DOCK8: variants seen among roughly 807,000 people sequenced by gnomAD.
The protein encoded by DOCK8 is dedicator of cytokinesis 8.
A neutral mutation model predicts 245.6 loss-of-function variants in DOCK8; 141 were observed. That is an observed-to-expected ratio of 0.57 (90% CI 0.50 to 0.66). The LOEUF (loss-of-function observed/expected upper bound fraction) is 0.66, where lower values mean the gene tolerates loss of function less well. Ranked by LOEUF, DOCK8 falls within the 30% of genes least tolerant of loss-of-function variation. The probability of loss-of-function intolerance (pLI) is 0.00; values close to 1 mark genes in which losing one functional copy is unlikely to be tolerated. For missense variants in DOCK8, 2,965 were observed against 2,603.4 expected, an observed-to-expected ratio of 1.14 and a Z score of -3.02; for synonymous variants, 1,168 against 970.2, an observed-to-expected ratio of 1.20 and a Z score of -3.79.
chr9:421,897 G>A (rs2056294307), intron 32 of DOCK8, 151 bp from the exon 33 acceptor site: 1 of 714,356 alleles, frequency 1.4e-6, no homozygotes, highest in Non-Finnish European at 2.5e-6. Context: ...CATAGGTGTG[G>A]CGACTTTGTC....
chr9:229,341 C>T (rs1261590480), intron 1 of DOCK8, among the ~76,000 whole-genome samples: 5 of 152,112 alleles, frequency 3.3e-5, no homozygotes, highest in Non-Finnish European at 7.4e-5. Context: ...TTAAAGTTAC[C>T]AAGTGAGTCA....
chr9:267,024 T>G (rs558385294), intron 1 of DOCK8, among the ~76,000 whole-genome samples: 1 of 152,192 alleles, frequency 6.6e-6, no homozygotes, highest in East Asian at 1.9e-4. Context: ...GAGACAGATG[T>G]CCCCCTTCAC....
intron 18 of DOCK8, among the ~76,000 whole-genome samples, chr9:374,227 G>A (rs1343597778): frequency 1.3e-5 from 2 of 152,100 alleles, no homozygotes; most frequent in African/African-American, 4.8e-5. Context: ...CTTTAAACCT[G>A]CACTGTCTGA....
intron 2 of DOCK8, among the ~76,000 whole-genome samples, chr9:277,582 A>T (rs1217887582): frequency 2.0e-5 from 3 of 151,866 alleles, no homozygotes; most frequent in Non-Finnish European, 4.4e-5. Flanking sequence ...CAAGAGAAGA[A>T]AGAGTTAGGA....
chr9:234,872 C>T (rs996564125), intron 1 of DOCK8, among the ~76,000 whole-genome samples: 4 of 152,034 alleles, frequency 2.6e-5, no homozygotes, highest in African/African-American at 4.8e-5. Context: ...GTAGTTTGAT[C>T]GTCTGAAGCC....
chr9:411,000 G>A (rs1426285633), intron 28 of DOCK8, among the ~76,000 whole-genome samples: 2 of 152,090 alleles, frequency 1.3e-5, no homozygotes, highest in Non-Finnish European at 2.9e-5. Context: ...TTCCTTAAAA[G>A]GTACAAAGTA....
rs188395405 is a variant in DOCK8, at chr9:289,817, G to A, written c.404+236G>A. ...ACAGTAGCTGAGCCAATATGGATAT[G>A]TTGTTATTAACTAAAGACCATAGTT... On this transcript the variant is annotated intron_variant, in intron 4 of 47. Coordinates refer to ENST00000432829, the MANE Select transcript of DOCK8 (RefSeq NM_203447.4). Among the ~76,000 whole-genome samples the A allele has an allele frequency of 4.1e-4, 62 of 152,218 alleles. 2 individuals are homozygous for A. Among genetic ancestry groups the A allele is most frequent in the South Asian group, 2.1e-4 (1 of 4,830 alleles).
intron 1 of DOCK8, among the ~76,000 whole-genome samples, chr9:220,208 C>G (rs778499524): frequency 6.6e-6 from 1 of 152,146 alleles, no homozygotes; most frequent in Non-Finnish European, 1.5e-5. Flanking sequence ...CATTTAGAAT[C>G]GGTTCCTTCC....
upstream of DOCK8, chr9:214,486 T>G: frequency 6.2e-7 from 1 of 1,608,622 alleles, no homozygotes; most frequent in Non-Finnish European, 8.5e-7. Flanking sequence ...GAGAATGGTG[T>G]CAACCCTTAA....
intron 16 of DOCK8, 29 bp downstream of exon 16, chr9:370,329 T>C (rs751366714): frequency 1.9e-6 from 3 of 1,597,858 alleles, no homozygotes; most frequent in Non-Finnish European, 2.6e-6. Flanking sequence ...TCTAAATATA[T>C]GCCAAGATGG....
intron 32 of DOCK8, among the ~76,000 whole-genome samples, chr9:421,561 G>C (rs987090771): frequency 1.1e-4 from 17 of 152,162 alleles, no homozygotes; most frequent in Non-Finnish European, 2.1e-4. Flanking sequence ...TTCCACCACA[G>C]GAGGAATGAT....
chr9:406,828 GCTCACGAAGCCTGGCTGGGGCGAGGA>G, intron 27 of DOCK8, 76 bp from the exon 28 acceptor site: 1 of 1,488,634 alleles, frequency 6.7e-7, no homozygotes, highest in East Asian at 2.3e-5. Context: ...ACTGGGGAGG[GCTCACGAAGCCTGGCTGGGGCGAGGA>G]CTCAGTAAAC....
intron 1 of DOCK8, among the ~76,000 whole-genome samples, chr9:227,474 C>A (rs1180095098): frequency 6.6e-6 from 1 of 152,176 alleles, no homozygotes; most frequent in African/African-American, 2.4e-5. Flanking sequence ...TCTAAACAAT[C>A]TGCAGCGTTC....
chr9:259,417 C>CT, intron 1 of DOCK8, among the ~76,000 whole-genome samples: 1 of 152,250 alleles, frequency 6.6e-6, no homozygotes, highest in East Asian at 1.9e-4. Flanking sequence ...AAATAATGTA[C>CT]TTAGATTTAA....
chr9:222,082 A>G (rs559763449), intron 1 of DOCK8, among the ~76,000 whole-genome samples: 4 of 152,088 alleles, frequency 2.6e-5, no homozygotes, highest in Non-Finnish European at 4.4e-5. Context: ...CAACATAGTG[A>G]GACACCAGCT....
chr9:376,069 C>G (rs1683566341), intron 18 of DOCK8, 141 bp from the exon 19 acceptor site: 5 of 715,242 alleles, frequency 7.0e-6, no homozygotes, highest in Non-Finnish European at 1.0e-5. Context: ...GCTCCTGACT[C>G]CAAGAACAGT....
At chr9:394,072 C>T (rs1355958337) in intron 24 of DOCK8, among the ~76,000 whole-genome samples, 2 of 152,146 alleles carry the variant, frequency 1.3e-5, no homozygotes, top group Non-Finnish European at 2.9e-5. Context: ...ACCAGGACCT[C>T]ACTGCAGCAG....
intron 45 of DOCK8, among the ~76,000 whole-genome samples, chr9:451,467 T>G (rs2057434905): frequency 6.6e-6 from 1 of 151,466 alleles, no homozygotes; most frequent in South Asian, 2.1e-4. Flanking sequence ...TACAAAAAAA[T>G]ACAAAAATAG....
intron 46 of DOCK8, among the ~76,000 whole-genome samples, chr9:453,445 G>T (rs549614314): frequency 6.6e-6 from 1 of 151,956 alleles, no homozygotes; most frequent in Non-Finnish European, 1.5e-5. Context: ...ATTTTATTTT[G>T]AGACAAGGTC....
Sources: allele counts gnomAD v4.1 joint callset (sites outside exome capture counted in the v4.1 genomes callset), GRCh38; gene constraint gnomAD v4.1.1; transcripts MANE v1.5; gene names NCBI Gene and HGNC (gene_info 2026-07-23, HGNC 2026-07-21).